SDK1: variants seen among roughly 807,000 people sequenced by gnomAD.
SDK1 encodes protein sidekick-1.
In SDK1, 157 loss-of-function variants were observed where a neutral mutation model predicts 245.5. The ratio of observed to expected loss-of-function variants is 0.64; its 90% CI spans 0.56 to 0.73. The LOEUF is 0.73. Ranked by LOEUF, SDK1 falls within the 30% of genes least tolerant of loss-of-function variation. The probability of loss-of-function intolerance (pLI) is 0.00; values close to 1 mark genes in which losing one functional copy is unlikely to be tolerated. For missense variants in SDK1, 3,583 were observed against 3,002.3 expected, an observed-to-expected ratio of 1.19 and a Z score of -4.52; for synonymous variants, 1,647 against 1,278.5, an observed-to-expected ratio of 1.29 and a Z score of -6.15.
At chr7:3,486,892 C>A (rs534900667) in intron 1 of SDK1, among the ~76,000 whole-genome samples, 1 of 152,038 alleles carries the variant, frequency 6.6e-6, no homozygotes, top group African/African-American at 2.4e-5. Context: ...GTCTTATTCT[C>A]TACCAGTTTA....
intron 30 of SDK1, among the ~76,000 whole-genome samples, chr7:4,150,438 CCT>C (rs1198032165): frequency 6.6e-6 from 1 of 152,220 alleles, no homozygotes; most frequent in African/African-American, 2.4e-5. Flanking sequence ...GGCCGAGCTT[CCT>C]CTGTCTCTCA....
At chr7:3,908,659 A>T (rs960342988) in intron 5 of SDK1, among the ~76,000 whole-genome samples, 1 of 152,016 alleles carries the variant, frequency 6.6e-6, no homozygotes, top group Non-Finnish European at 1.5e-5. Flanking sequence ...TATCCTGATA[A>T]TTGTCTTTTC....
intron 4 of SDK1, among the ~76,000 whole-genome samples, chr7:3,667,515 A>G (rs538699285): frequency 7.2e-5 from 11 of 152,176 alleles, no homozygotes; most frequent in African/African-American, 2.4e-4. Context: ...AATTTTGACA[A>G]ACATACAGTG....
At chr7:4,015,958 C>T (rs761310569) in intron 16 of SDK1, among the ~76,000 whole-genome samples, 1 of 152,226 alleles carries the variant, frequency 6.6e-6, no homozygotes, top group Non-Finnish European at 1.5e-5. Context: ...GACCATTTCT[C>T]GATTTCCTCA....
chr7:3,842,331 G>C (rs1429832295), intron 5 of SDK1, among the ~76,000 whole-genome samples: 1 of 152,176 alleles, frequency 6.6e-6, no homozygotes, highest in Admixed American at 6.5e-5. Flanking sequence ...GAATACCCAA[G>C]GGTGCCCTGG....
chr7:3,325,327 C>G (rs1042948261), intron 1 of SDK1, among the ~76,000 whole-genome samples: 1 of 152,030 alleles, frequency 6.6e-6, no homozygotes, highest in Non-Finnish European at 1.5e-5. Flanking sequence ...TTATATTTAA[C>G]GTCTTAACCT....
chr7:3,776,592 C>T (rs773191812), intron 4 of SDK1, among the ~76,000 whole-genome samples: 1 of 152,116 alleles, frequency 6.6e-6, no homozygotes, highest in Non-Finnish European at 1.5e-5. Flanking sequence ...GTATAAACCA[C>T]TATGCAGAAA....
intron 1 of SDK1, among the ~76,000 whole-genome samples, chr7:3,309,523 GAT>G (rs1562404570): frequency 4.3e-5 from 2 of 46,492 alleles, no homozygotes; most frequent in Non-Finnish European, 8.7e-5. Flanking sequence ...ACTAGAAAAA[GAT>G]TTTTTTTTTT....
intron 14 of SDK1, among the ~76,000 whole-genome samples, 192 bp from the exon 15 acceptor site, chr7:4,010,774 C>G (rs1051847129): frequency 3.3e-5 from 5 of 152,226 alleles, no homozygotes; most frequent in African/African-American, 4.8e-5. Context: ...AGTTGCCTTT[C>G]TGGCTTGTAA....
chr7:3,841,051 C>T (rs1033328668), intron 5 of SDK1, among the ~76,000 whole-genome samples: 3 of 152,228 alleles, frequency 2.0e-5, no homozygotes, highest in Non-Finnish European at 2.9e-5. Context: ...TCCCTCATCA[C>T]AGCCTCACTT....
At chr7:3,455,288 G>T (rs1284475860) in intron 1 of SDK1, among the ~76,000 whole-genome samples, 2 of 150,188 alleles carry the variant, frequency 1.3e-5, no homozygotes, top group Non-Finnish European at 2.9e-5. Context: ...TTTAAATTTT[G>T]ATAGATCTAA....
chr7:3,760,228 G>T (rs1269892914), intron 4 of SDK1, among the ~76,000 whole-genome samples: 1 of 152,124 alleles, frequency 6.6e-6, no homozygotes, highest in Non-Finnish European at 1.5e-5. Context: ...ATGATCCAGT[G>T]CAGTTTTTGA....
chr7:3,844,631 A>G (rs1780233102), intron 5 of SDK1, among the ~76,000 whole-genome samples: 1 of 152,224 alleles, frequency 6.6e-6, no homozygotes, highest in African/African-American at 2.4e-5. Context: ...TTCCCTAACT[A>G]TAATTTCAAC....
At chr7:4,151,070 A>G (rs1458615321) in intron 30 of SDK1, among the ~76,000 whole-genome samples, 3 of 152,190 alleles carry the variant, frequency 2.0e-5, no homozygotes, top group Non-Finnish European at 4.4e-5. Context: ...CATGGATGCC[A>G]GTATCGCCTT....
chr7:3,462,795 C>T (rs1281449679), intron 1 of SDK1, among the ~76,000 whole-genome samples: 2 of 152,174 alleles, frequency 1.3e-5, no homozygotes, highest in East Asian at 3.8e-4. Flanking sequence ...TCTTGGCCAA[C>T]TGTAGTAGAT....
rs150923510 is a variant in SDK1, at chr7:3,549,872, C to A, written c.299-69208C>A. On this transcript the variant is annotated intron_variant, in intron 1 of 44. Transcript: ENST00000404826. ...TCCCATAGGCATAGGCCGACTCTTT[C>A]CTTGAGCTAAAATTTAGCCAGAAAG... 7.9e-5 allele frequency among the ~76,000 whole-genome samples: 12 copies of A among 152,090 alleles called. No homozygotes were observed. In the East Asian group the frequency reaches 1.9e-3, roughly 25 times the overall value.
At chr7:3,877,997 A>AT (rs1340187141) in intron 5 of SDK1, among the ~76,000 whole-genome samples, 1 of 152,242 alleles carries the variant, frequency 6.6e-6, no homozygotes, top group Non-Finnish European at 1.5e-5. Flanking sequence ...GGGAATGCCT[A>AT]TTTTAAATAA....
chr7:4,193,455 G>T (rs1352220565), intron 35 of SDK1, among the ~76,000 whole-genome samples: 2 of 147,414 alleles, frequency 1.4e-5, no homozygotes, highest in Admixed American at 7.0e-5. Flanking sequence ...AATAGGCTGG[G>T]ATATTGCCAC....
chr7:4,137,817 T>C (rs1305682989), intron 28 of SDK1, among the ~76,000 whole-genome samples: 1 of 152,250 alleles, frequency 6.6e-6, no homozygotes, highest in African/African-American at 2.4e-5. Flanking sequence ...TAACCGTAAT[T>C]ACATAACTAG....
Sources: gnomAD v4.1 joint callset for allele counts (sites outside exome capture counted in the v4.1 genomes callset) on GRCh38, gnomAD v4.1.1 for gene constraint, MANE v1.5 for transcripts, NCBI Gene and HGNC (gene_info 2026-07-23, HGNC 2026-07-21) for gene names.